Variants in ADIPOR2 observed in about 807,000 individuals in gnomAD.
The protein encoded by ADIPOR2 is adiponectin receptor protein 2.
In ADIPOR2, 18 loss-of-function variants were observed where a neutral mutation model predicts 40.9. The observed-to-expected ratio is 0.44, with a 90% CI of 0.30 to 0.65. The LOEUF is 0.65. ADIPOR2 is among the 30% of genes least tolerant of loss of function. The pLI, the probability that ADIPOR2 is intolerant of heterozygous loss-of-function variation, is 0.09. For synonymous variants in ADIPOR2, 165 were observed against 166.4 expected, an observed-to-expected ratio of 0.99 and a Z score of 0.06; for missense variants, 283 against 479.2, an observed-to-expected ratio of 0.59 and a Z score of 3.82.
At chr12:1,767,269 C>CAAAAAAAAAAAAAAAAAAAAAA in intron 2 of ADIPOR2, among the ~76,000 whole-genome samples, 1 of 87,468 alleles carries the variant, frequency 1.1e-5, no homozygotes. Context: ...AAGACTTCGT[C>CAAAAAAAAAAAAAAAAAAAAAA]AAAAAAAAAA....
At chr12:1,719,563 G>T (rs2094693846) in intron 1 of ADIPOR2, among the ~76,000 whole-genome samples, 1 of 152,116 alleles carries the variant, frequency 6.6e-6, no homozygotes, top group South Asian at 2.1e-4. Flanking sequence ...TTCCAGGATT[G>T]TTGTAAGGAT....
At position 1,754,304 on chromosome 12, in the gene ADIPOR2, A is replaced by AGTC; in HGVS notation, c.-39_-38insTCG. The AGTC allele has an allele frequency of 2.6e-6, 4 of 1,534,220 alleles. No individual in the cohort carries two copies. Among genetic ancestry groups the AGTC allele is most frequent in the Non-Finnish European group, 3.5e-6 (4 of 1,141,422 alleles). ...GTCCATTCTCCCAAGAAGAGGGGACAGAAAGACAGATCTATTTGTAAGAAA... is the reference window on the plus strand; with the variant it reads ...GTCCATTCTCCCAAGAAGAGGGGACAGTCGAAAGACAGATCTATTTGTAAGAAA... On this transcript the variant is annotated 5_prime_UTR_variant, in exon 2 of 8. Coordinates refer to ENST00000357103, the MANE Select transcript of ADIPOR2 (RefSeq NM_024551.3).
At chr12:1,775,910 TG>T (rs1480179245) in intron 3 of ADIPOR2, among the ~76,000 whole-genome samples, 1 of 152,230 alleles carries the variant, frequency 6.6e-6, no homozygotes, top group Non-Finnish European at 1.5e-5. Flanking sequence ...CAGCTACTTT[TG>T]TAAGTGGTAG....
At chr12:1,774,507 G>A (rs1862546645) in intron 3 of ADIPOR2, among the ~76,000 whole-genome samples, 1 of 152,180 alleles carries the variant, frequency 6.6e-6, no homozygotes, top group Non-Finnish European at 1.5e-5. Flanking sequence ...CGTGTCTAGT[G>A]GCACAGGGAT....
chr12:1,741,740 C>G (rs2094743310), intron 1 of ADIPOR2, among the ~76,000 whole-genome samples: 2 of 152,138 alleles, frequency 1.3e-5, no homozygotes, highest in South Asian at 4.1e-4. Context: ...TGAAAAAGCC[C>G]TGGAGAGTAT....
intron 3 of ADIPOR2, among the ~76,000 whole-genome samples, chr12:1,777,177 A>G (rs1862611285): frequency 6.7e-6 from 1 of 150,048 alleles, no homozygotes; most frequent in East Asian, 2.0e-4. Flanking sequence ...AAATGTTCAT[A>G]TTAACACCAC....
chr12:1,742,300 C>T (rs1393672985), intron 1 of ADIPOR2, among the ~76,000 whole-genome samples: 1 of 152,170 alleles, frequency 6.6e-6, no homozygotes, highest in Non-Finnish European at 1.5e-5. Flanking sequence ...GCCGTGTTGC[C>T]CAGGCTGGTC....
intron 2 of ADIPOR2, among the ~76,000 whole-genome samples, chr12:1,756,829 TC>T (rs1269342122): frequency 6.6e-6 from 1 of 152,036 alleles, no homozygotes; most frequent in African/African-American, 2.4e-5. Flanking sequence ...GTGGGTCAAA[TC>T]AACAAGACTT....
chr12:1,748,464 G>A (rs1226443477), intron 1 of ADIPOR2, among the ~76,000 whole-genome samples: 1 of 151,990 alleles, frequency 6.6e-6, no homozygotes, highest in African/African-American at 2.4e-5. Flanking sequence ...TAGCCAGGAT[G>A]GTCTCAATCT....
At position 1,754,950 on chromosome 12, in the gene ADIPOR2, GGTAT is replaced by G. The variant is rs1438593292; in HGVS notation, c.171+437_171+440del. Among the ~76,000 whole-genome samples, 11 of 117,536 alleles carry G rather than the reference GGTAT, an allele frequency of 9.4e-5. 1 individual carries two copies. The highest frequency in any genetic ancestry group is 2.9e-4 in the South Asian group (1 of 3,496). 77.1% of individuals were successfully genotyped at this position (117,536 alleles called of 152,430 possible). A position where few individuals can be genotyped will look rare whatever the true frequency, so the allele number is the denominator to read the frequency against. On this transcript the variant is annotated intron_variant, in intron 2 of 7. Coordinates refer to ENST00000357103, the MANE Select transcript of ADIPOR2 (RefSeq NM_024551.3). ...GGCTGGTCTCGAACTCCTTACCTCAGGTATCCTCCCACCTCGGCCTCCCAAAGTG... is the reference window on the plus strand; with the variant it reads ...GGCTGGTCTCGAACTCCTTACCTCAGCCTCCCACCTCGGCCTCCCAAAGTG...
chr12:1,743,505 T>A (rs573545647), intron 1 of ADIPOR2, among the ~76,000 whole-genome samples: 1 of 151,958 alleles, frequency 6.6e-6, no homozygotes, highest in South Asian at 2.1e-4. Flanking sequence ...ACTCCAGTGC[T>A]ACAAAAAATT....
chr12:1,756,891 C>G (rs1346722934), intron 2 of ADIPOR2, among the ~76,000 whole-genome samples: 3 of 152,052 alleles, frequency 2.0e-5, no homozygotes, highest in Non-Finnish European at 4.4e-5. Context: ...AAGGCTGATT[C>G]TCTGAGCTGA....
intron 1 of ADIPOR2, among the ~76,000 whole-genome samples, chr12:1,714,965 T>C (rs1290254982): frequency 2.0e-5 from 3 of 152,060 alleles, no homozygotes; most frequent in African/African-American, 4.8e-5. Context: ...GAAGGGGACA[T>C]GTACCTGGGT....
chr12:1,692,018 C>A (rs983487969), intron 1 of ADIPOR2, among the ~76,000 whole-genome samples: 1 of 149,448 alleles, frequency 6.7e-6, no homozygotes, highest in Non-Finnish European at 1.5e-5. Context: ...ATAAGATGTT[C>A]TTTTAATTTT....
At chr12:1,691,497 C>T (rs1441060865) in intron 1 of ADIPOR2, among the ~76,000 whole-genome samples, 1 of 152,256 alleles carries the variant, frequency 6.6e-6, no homozygotes, top group African/African-American at 2.4e-5. Flanking sequence ...GGGTCGGAGC[C>T]TGCTGCCCTC....
chr12:1,757,328 G>T (rs1234189103), intron 2 of ADIPOR2: 3 of 685,098 alleles, frequency 4.4e-6, no homozygotes, highest in Non-Finnish European at 8.0e-6. Context: ...TCTGTGGTTT[G>T]TTGCCCTTGC....
chr12:1,695,743 T>A (rs2094637366), intron 1 of ADIPOR2: 2 of 152,034 alleles, frequency 1.3e-5, no homozygotes, highest in Admixed American at 1.3e-4. Flanking sequence ...ATATAGTGCT[T>A]TTGGACTTTC....
At chr12:1,715,693 G>A (rs1469602602) in intron 1 of ADIPOR2, among the ~76,000 whole-genome samples, 1 of 152,150 alleles carries the variant, frequency 6.6e-6, no homozygotes, top group Non-Finnish European at 1.5e-5. Context: ...TTTAGAGGGG[G>A]GATTGAGAGG....
At chr12:1,739,922 G>A (rs1423834155) in intron 1 of ADIPOR2, among the ~76,000 whole-genome samples, 1 of 152,154 alleles carries the variant, frequency 6.6e-6, no homozygotes, top group Non-Finnish European at 1.5e-5. Flanking sequence ...CCAACATGGT[G>A]AAACCCCGTC....
Sources: allele counts gnomAD v4.1 joint callset (sites outside exome capture counted in the v4.1 genomes callset), GRCh38; gene constraint gnomAD v4.1.1; transcripts MANE v1.5; gene names NCBI Gene and HGNC (gene_info 2026-07-23, HGNC 2026-07-21).